The following HECW1 variants were observed in gnomAD, a reference collection of about 807,000 sequenced individuals.
HECW1 encodes the protein E3 ubiquitin-protein ligase HECW1.
In HECW1, 61 loss-of-function variants were observed where a neutral mutation model predicts 182.3. The ratio of observed to expected loss-of-function variants is 0.33; its 90% CI spans 0.27 to 0.41. The LOEUF (loss-of-function observed/expected upper bound fraction) is 0.41, where lower values mean the gene tolerates loss of function less well. HECW1 is among the 10% of genes least tolerant of loss of function. The pLI, the probability that HECW1 is intolerant of heterozygous loss-of-function variation, is 1.00. For missense variants in HECW1, 1,739 were observed against 2,108.9 expected, an observed-to-expected ratio of 0.82 and a Z score of 3.44; for synonymous variants, 859 against 832.6, an observed-to-expected ratio of 1.03 and a Z score of -0.55.
chr7:43,534,792 C>T (rs557240315), intron 24 of HECW1, among the ~76,000 whole-genome samples: 1 of 152,148 alleles, frequency 6.6e-6, no homozygotes, highest in Non-Finnish European at 1.5e-5. Flanking sequence ...CAGAAGTTTG[C>T]AGCAGGAAAT....
intron 19 of HECW1, 89 bp downstream of exon 19, chr7:43,493,269 G>A: frequency 1.3e-6 from 1 of 783,506 alleles, no homozygotes; most frequent in South Asian, 1.6e-5. Flanking sequence ...CAGAGCGGAA[G>A]CTTATTATAC....
rs950160061 is a variant in HECW1, at chr7:43,114,266, C to T, written c.-157C>T. On this transcript the variant is annotated 5_prime_UTR_variant, in exon 2 of 30. Transcript: ENST00000395891. Reference sequence around the variant, plus strand: ...GGGATTTAAACGCGATTTAGGAGGGCAGATGCCCTACCCGAAAAGGCCAAC... The same window carrying T: ...GGGATTTAAACGCGATTTAGGAGGGTAGATGCCCTACCCGAAAAGGCCAAC... The T allele has an allele frequency of 1.5e-6, 2 of 1,364,034 alleles. No homozygotes were observed. Among genetic ancestry groups the T allele is most frequent in the African/African-American group, 1.4e-5 (1 of 69,458 alleles). 84.5% of individuals were successfully genotyped at this position (1,364,034 alleles called of 1,614,324 possible).
At chr7:43,468,470 C>T (rs1054263690) in intron 15 of HECW1, among the ~76,000 whole-genome samples, 2 of 151,468 alleles carry the variant, frequency 1.3e-5, no homozygotes, top group African/African-American at 2.4e-5. Context: ...TCAGGTGGAA[C>T]GGATATCACA....
intron 2 of HECW1, among the ~76,000 whole-genome samples, chr7:43,238,263 C>T (rs1207621493): frequency 6.6e-6 from 1 of 152,168 alleles, no homozygotes; most frequent in Admixed American, 6.5e-5. Context: ...GGAGGGGTCC[C>T]AGCTCATGGC....
rs559663583 is a variant in HECW1 at position 43,527,279 on chromosome 7, A to G, written c.4020-13884A>G. Among the ~76,000 whole-genome samples the G allele has an allele frequency of 2.6e-5, 4 of 152,330 alleles. No individual in the cohort carries two copies. The South Asian group carries it at 8.3e-4, about 32-fold the overall frequency. ...ACTCCCTCACTTTCCTAAGGCTGCC[A>G]TAGCAAATTACCACAAACTGGCCAT... is the stretch of plus-strand genomic sequence containing the variant. On this transcript the variant is annotated intron_variant, in intron 24 of 29. Coordinates refer to ENST00000395891, the MANE Select transcript of HECW1 (RefSeq NM_015052.5).
At chr7:43,470,350 C>T (rs577785995) in intron 16 of HECW1, among the ~76,000 whole-genome samples, 3 of 152,316 alleles carry the variant, frequency 2.0e-5, no homozygotes, top group East Asian at 3.9e-4. Context: ...GATGACACCA[C>T]CATGTTCATC....
intron 3 of HECW1, among the ~76,000 whole-genome samples, chr7:43,284,791 T>G (rs1804407978): frequency 6.6e-6 from 1 of 152,190 alleles, no homozygotes; most frequent in Non-Finnish European, 1.5e-5. Flanking sequence ...CCATTTTCTT[T>G]CCACAACAAA....
chr7:43,157,030 A>T (rs895435999), intron 2 of HECW1, among the ~76,000 whole-genome samples: 3 of 152,240 alleles, frequency 2.0e-5, no homozygotes, highest in Non-Finnish European at 4.4e-5. Context: ...CCTGACTGAC[A>T]CATGTTCATT....
At chr7:43,435,878 T>G (rs766854619) in intron 8 of HECW1, among the ~76,000 whole-genome samples, 16 of 152,132 alleles carry the variant, frequency 1.1e-4, no homozygotes, top group Admixed American at 7.2e-4. Context: ...GTTAAAAGAT[T>G]GCTAGGCCGG....
chr7:43,206,030 A>G (rs1341062991), intron 2 of HECW1, among the ~76,000 whole-genome samples: 2 of 152,144 alleles, frequency 1.3e-5, no homozygotes, highest in Non-Finnish European at 2.9e-5. Context: ...GAAATTCTCC[A>G]TAAGTATACA....
intron 5 of HECW1, 89 bp from the exon 6 acceptor site, chr7:43,360,797 G>T: frequency 1.1e-6 from 1 of 927,102 alleles, no homozygotes; most frequent in Non-Finnish European, 1.8e-6. Flanking sequence ...GAATTATGTT[G>T]CAGTTCTTAG....
chr7:43,204,736 G>C (rs1795304301), intron 2 of HECW1, among the ~76,000 whole-genome samples: 1 of 152,184 alleles, frequency 6.6e-6, no homozygotes, highest in South Asian at 2.1e-4. Flanking sequence ...GAAGGTAAGG[G>C]GGTGGTCTCT....
intron 2 of HECW1, among the ~76,000 whole-genome samples, chr7:43,129,342 C>T (rs983124699): frequency 2.0e-5 from 3 of 152,328 alleles, no homozygotes; most frequent in African/African-American, 7.2e-5. Flanking sequence ...TGAGGCAAGA[C>T]ACTCCACCAG....
Position 43,438,063 on chromosome 7 carries a change from G to A in HECW1, c.862G>A (p.Ala288Thr). ...VLEIEVKDKFAKSRPIIKRFL... is the reference protein window; with the variant it reads ...VLEIEVKDKFTKSRPIIKRFL... Reference sequence around the variant, plus strand: ...GGAAATTGAGGTGAAGGACAAGTTTGCCAAGAGCCGCCCCATCATCAAGCG... The same window carrying A: ...GGAAATTGAGGTGAAGGACAAGTTTACCAAGAGCCGCCCCATCATCAAGCG... Residue 288 changes from alanine to threonine, a missense_variant, in exon 9 of 30, where the codon GCC (alanine) becomes ACC (threonine). Ala to Thr is a moderately conservative substitution (Grantham distance 58). Coordinates refer to ENST00000395891, the MANE Select transcript of HECW1 (RefSeq NM_015052.5). 1.2e-6 allele frequency: 2 copies of A among 1,614,034 alleles called. No individual in the cohort carries two copies. The highest frequency in any genetic ancestry group is 1.7e-6 in the Non-Finnish European group (2 of 1,179,972).
chr7:43,438,288 T>A, intron 9 of HECW1, 143 bp downstream of exon 9: 2 of 665,400 alleles, frequency 3.0e-6, no homozygotes, highest in Non-Finnish European at 4.9e-6. Flanking sequence ...CTACTAATTA[T>A]GTTGCCTGAG....
intron 2 of HECW1, among the ~76,000 whole-genome samples, chr7:43,188,094 G>C (rs1236396479): frequency 6.6e-6 from 1 of 152,172 alleles, no homozygotes; most frequent in Non-Finnish European, 1.5e-5. Context: ...GATGTTCTCT[G>C]GGCACAGGGC....
chr7:43,408,405 C>T (rs555438705), intron 8 of HECW1, among the ~76,000 whole-genome samples: 2 of 151,782 alleles, frequency 1.3e-5, no homozygotes, highest in East Asian at 1.9e-4. Context: ...TGTAGAAAGT[C>T]GGCACCACTT....
intron 2 of HECW1, among the ~76,000 whole-genome samples, chr7:43,192,612 G>A (rs189391946): frequency 5.3e-5 from 8 of 152,110 alleles, no homozygotes; most frequent in African/African-American, 7.2e-5. Flanking sequence ...TAACTTACGC[G>A]TGCTTATTTT....
chr7:43,479,313 G>A (rs530255489), intron 16 of HECW1, among the ~76,000 whole-genome samples: 1 of 152,036 alleles, frequency 6.6e-6, no homozygotes, highest in Non-Finnish European at 1.5e-5. Flanking sequence ...ACACATGCAC[G>A]GTTCACAATG....
Sources: gnomAD v4.1 joint callset for allele counts (sites outside exome capture counted in the v4.1 genomes callset) on GRCh38, gnomAD v4.1.1 for gene constraint, MANE v1.5 for transcripts, NCBI Gene and HGNC (gene_info 2026-07-23, HGNC 2026-07-21) for gene names.